The following MCTP1 variants were observed in gnomAD, a reference collection of about 807,000 sequenced individuals.
The protein encoded by MCTP1 is multiple C2 and transmembrane domain containing 1.
In MCTP1, 69 loss-of-function variants were observed where a neutral mutation model predicts 120.6. The observed-to-expected ratio is 0.57, with a 90% CI of 0.47 to 0.70. The LOEUF is 0.70. Ranked by LOEUF, MCTP1 falls within the 30% of genes least tolerant of loss-of-function variation. The pLI is 0.00. For missense variants in MCTP1, 1,203 were observed against 1,248.8 expected, an observed-to-expected ratio of 0.96 and a Z score of 0.55; for synonymous variants, 529 against 493.1, an observed-to-expected ratio of 1.07 and a Z score of -0.96.
rs146229205 is a variant in MCTP1 at position 95,261,072 on chromosome 5, A to G, written c.720+22784T>C. The stretch of plus-strand genomic sequence containing the variant: ...TTAGACTGTGAAACTTTTCCGAGGT[A>G]GATTCTATTCCTCTAGATAGTAAGG... On this transcript the variant is annotated intron_variant, in intron 1 of 22. Transcript: ENST00000515393. 5.8e-4 allele frequency among the ~76,000 whole-genome samples: 88 copies of G among 152,366 alleles called. No individual in the cohort carries two copies. In the East Asian group the frequency reaches 0.015, roughly 26 times the overall value.
intron 17 of MCTP1, among the ~76,000 whole-genome samples, chr5:94,837,268 C>T (rs926872382): frequency 5.3e-5 from 8 of 152,134 alleles, no homozygotes; most frequent in Non-Finnish European, 1.0e-4. Flanking sequence ...GTAGTCCCAG[C>T]TGCTCGGGAG....
intron 13 of MCTP1, among the ~76,000 whole-genome samples, chr5:94,872,242 T>C (rs998871639): frequency 6.6e-6 from 1 of 152,130 alleles, no homozygotes; most frequent in Non-Finnish European, 1.5e-5. Context: ...AATCAATTAA[T>C]GGCTTTGATA....
chr5:95,278,271 T>C (rs539968008), intron 1 of MCTP1, among the ~76,000 whole-genome samples: 162 of 152,272 alleles, frequency 1.1e-3, no homozygotes, highest in South Asian at 4.8e-3. Flanking sequence ...GTTAATGATG[T>C]AGAAAAAGGC....
intron 1 of MCTP1, among the ~76,000 whole-genome samples, chr5:95,125,638 T>C (rs1758566681): frequency 6.6e-6 from 1 of 152,216 alleles, no homozygotes; most frequent in Non-Finnish European, 1.5e-5. Context: ...TTCATTTTAT[T>C]TATTTGTTGT....
At chr5:95,133,546 T>G (rs1446075636) in intron 1 of MCTP1, among the ~76,000 whole-genome samples, 3 of 152,110 alleles carry the variant, frequency 2.0e-5, no homozygotes, top group Non-Finnish European at 2.9e-5. Context: ...TCCCAGCTAC[T>G]TGGGAGGCTG....
chr5:94,970,826 C>A (rs1368693884), intron 2 of MCTP1, among the ~76,000 whole-genome samples: 1 of 151,286 alleles, frequency 6.6e-6, no homozygotes, highest in Non-Finnish European at 1.5e-5. Context: ...AAAATAGACC[C>A]TAAAGTATTA....
chr5:94,941,710 A>G (rs987639943), intron 4 of MCTP1, among the ~76,000 whole-genome samples: 29 of 152,046 alleles, frequency 1.9e-4, no homozygotes, highest in African/African-American at 5.3e-4. Context: ...ATACAAATCA[A>G]TTCTTAGTTC....
intron 18 of MCTP1, among the ~76,000 whole-genome samples, chr5:94,784,473 C>T (rs142607507): frequency 4.6e-5 from 7 of 152,144 alleles, no homozygotes; most frequent in African/African-American, 1.4e-4. Context: ...CTAGTGCAGA[C>T]ATTTTTACGA....
intron 7 of MCTP1, among the ~76,000 whole-genome samples, chr5:94,919,235 T>C (rs543476629): frequency 2.0e-5 from 3 of 152,318 alleles, no homozygotes; most frequent in African/African-American, 7.2e-5. Context: ...AGTAAGGTGG[T>C]GAAGTCATAG....
At chr5:94,840,292 A>G (rs908763249) in intron 17 of MCTP1, among the ~76,000 whole-genome samples, 1 of 152,254 alleles carries the variant, frequency 6.6e-6, no homozygotes, top group Non-Finnish European at 1.5e-5. Context: ...CACTGTATTC[A>G]TAGAAGAAAC....
At chr5:94,758,106 C>G (rs1490197105) in intron 19 of MCTP1, among the ~76,000 whole-genome samples, 3 of 152,076 alleles carry the variant, frequency 2.0e-5, no homozygotes, top group African/African-American at 7.2e-5. Flanking sequence ...TTAATAGCAA[C>G]TGAAGGAAAA....
chr5:95,014,260 A>AAC (rs1836636533), intron 2 of MCTP1, among the ~76,000 whole-genome samples: 1 of 151,138 alleles, frequency 6.6e-6, no homozygotes, highest in African/African-American at 2.4e-5. Flanking sequence ...CATGTCTCTA[A>AAC]AACAACAACA....
At chr5:94,897,075 G>A (rs1184189928) in intron 10 of MCTP1, among the ~76,000 whole-genome samples, 1 of 151,750 alleles carries the variant, frequency 6.6e-6, no homozygotes, top group African/African-American at 2.4e-5. Flanking sequence ...TAATTTTTTC[G>A]AGACCAGGTC....
chr5:94,909,188 C>G (rs921435499), intron 10 of MCTP1, 63 bp downstream of exon 10: 3 of 1,545,258 alleles, frequency 1.9e-6, no homozygotes, highest in Admixed American at 3.5e-5. Context: ...ACCAGGCTTA[C>G]AGCAAATATT....
intron 19 of MCTP1, among the ~76,000 whole-genome samples, chr5:94,724,764 C>T (rs1249135904): frequency 6.6e-6 from 1 of 152,076 alleles, no homozygotes; most frequent in African/African-American, 2.4e-5. Context: ...ATATCAATAT[C>T]AAAACCTTTG....
chr5:95,170,315 A>G (rs1747077746), intron 1 of MCTP1, among the ~76,000 whole-genome samples: 1 of 152,186 alleles, frequency 6.6e-6, no homozygotes, highest in Non-Finnish European at 1.5e-5. Context: ...TTTGCTGAGG[A>G]GTGCTTTACT....
chr5:94,900,273 C>G (rs893712325), intron 10 of MCTP1, among the ~76,000 whole-genome samples: 2 of 152,202 alleles, frequency 1.3e-5, no homozygotes, highest in Non-Finnish European at 2.9e-5. Flanking sequence ...ATTGAAATAA[C>G]TTGCAGCTGT....
chr5:95,052,252 T>C (rs1270992551), intron 1 of MCTP1, among the ~76,000 whole-genome samples: 3 of 152,194 alleles, frequency 2.0e-5, no homozygotes, highest in African/African-American at 7.2e-5. Flanking sequence ...TAAACAGGTA[T>C]TTCTCAAAAT....
rs369338286 is a variant in MCTP1 at position 95,017,501 on chromosome 5, A to G, written c.721-17T>C. On this transcript the variant is annotated splice_polypyrimidine_tract_variant and intron_variant, in intron 1 of 22. Transcript: ENST00000515393. ...TATTATTTTCTGGAAAACACGAAAT[A>G]TAAAAAATATTAAATTTATTATCTC... The G allele has an allele frequency of 9.3e-6, 14 of 1,508,108 alleles. No homozygotes were observed. The highest frequency in any genetic ancestry group is 1.4e-5 in the African/African-American group (1 of 71,876). The allele number at this position is 1,508,108 out of a possible 1,614,324, so 93.4% of individuals were successfully genotyped here. A position where few individuals can be genotyped will look rare whatever the true frequency, so the allele number is the denominator to read the frequency against.
Sources: gnomAD v4.1 joint callset for allele counts (sites outside exome capture counted in the v4.1 genomes callset) on GRCh38, gnomAD v4.1.1 for gene constraint, MANE v1.5 for transcripts, NCBI Gene and HGNC (gene_info 2026-07-23, HGNC 2026-07-21) for gene names.